DMD: variants seen among roughly 807,000 people sequenced by gnomAD.
The protein encoded by DMD is dystrophin.
DMD carries 63 observed loss-of-function variants against 330.1 expected under a neutral mutation model. That is an observed-to-expected ratio of 0.19 (90% CI 0.16 to 0.24). The LOEUF (loss-of-function observed/expected upper bound fraction) is 0.24. DMD is among the 10% of genes least tolerant of loss of function. DMD has a pLI of 1.00. For synonymous variants in DMD, 1,223 were observed against 959.8 expected (o/e 1.27, Z -5.07); for missense variants, 3,344 against 2,684.1 (o/e 1.25, Z -5.43).
intron 7 of DMD, among the ~76,000 whole-genome samples, chrX:32,807,247 C>A (rs940638536): frequency 1.0e-5 from 1 of 99,997 alleles, no homozygotes; most frequent in Non-Finnish European, 2.0e-5. Context: ...CAAATAGACA[C>A]AATAAAAAAT....
chrX:32,608,881 A>C, intron 12 of DMD, among the ~76,000 whole-genome samples: 1 of 110,902 alleles, frequency 9.0e-6, no homozygotes, highest in East Asian at 2.8e-4. Flanking sequence ...AAATAAAATG[A>C]AACTTCATAG....
intron 44 of DMD, among the ~76,000 whole-genome samples, chrX:32,176,325 G>A (rs1041425644): frequency 4.5e-5 from 5 of 111,577 alleles, no homozygotes; most frequent in Admixed American, 3.8e-4. Context: ...TTCCTTGTAC[G>A]TAGTGTGCAG....
chrX:32,268,838 A>G (rs1227681352), intron 43 of DMD, among the ~76,000 whole-genome samples: 1 of 111,007 alleles, frequency 9.0e-6, no homozygotes, highest in Non-Finnish European at 1.9e-5. Context: ...GTAATGGGAT[A>G]CAGACATACC....
intron 44 of DMD, among the ~76,000 whole-genome samples, chrX:31,996,788 G>T (rs1479632333): frequency 9.0e-6 from 1 of 110,963 alleles, no homozygotes; most frequent in Non-Finnish European, 1.9e-5. Context: ...ATTAATTAGT[G>T]AGTGAGTGAA....
At chrX:32,808,511 G>A (rs940291249) in intron 7 of DMD, among the ~76,000 whole-genome samples, 3 of 111,419 alleles carry the variant, frequency 2.7e-5, no homozygotes, top group Admixed American at 9.6e-5. Flanking sequence ...AGGCTTCTGC[G>A]TCTGCAAAAC....
At chrX:32,287,914 G>A (rs1431852162) in intron 42 of DMD, among the ~76,000 whole-genome samples, 3 of 110,058 alleles carry the variant, frequency 2.7e-5, no homozygotes, top group East Asian at 2.9e-4. Context: ...AGAGTGGATC[G>A]CTCCCTACAT....
chrX:31,492,881 G>C (rs1390008089), intron 57 of DMD, among the ~76,000 whole-genome samples: 3 of 108,951 alleles, frequency 2.8e-5, no homozygotes, highest in East Asian at 2.9e-4. Flanking sequence ...GTCAGGGGGT[G>C]GGGGGCTAGG....
In DMD at chrX:31,119,752, T is replaced by C. The variant is rs1379997146; in HGVS notation, c.*2167A>G. ...TTTTAAATCTGAGTTTTAAAAATCCTTGGGTAAAGAAAAGGTCCAGCGTCA... is the reference window on the plus strand; with the variant it reads ...TTTTAAATCTGAGTTTTAAAAATCCCTGGGTAAAGAAAAGGTCCAGCGTCA... On this transcript the variant is annotated 3_prime_UTR_variant, in exon 79 of 79. Transcript: ENST00000357033. 1 of 111,174 alleles carries C rather than the reference T, an allele frequency of 9.0e-6. No individual in the cohort carries two copies. The highest frequency in any genetic ancestry group is 1.9e-5 in the Non-Finnish European group (1 of 53,017). 9.2% of individuals were successfully genotyped at this position (111,174 alleles called of 1,213,427 possible). A position where few individuals can be genotyped will look rare whatever the true frequency, so the allele number is the denominator to read the frequency against.
intron 43 of DMD, among the ~76,000 whole-genome samples, chrX:32,249,932 TACCATACCAA>T (rs1454787202): frequency 9.0e-6 from 1 of 111,199 alleles, no homozygotes; most frequent in African/African-American, 3.3e-5. Flanking sequence ...CCTAGAACCA[TACCATACCAA>T]ACTTCCTTCA....
chrX:32,085,226 A>T (rs966686686), intron 44 of DMD, among the ~76,000 whole-genome samples: 8 of 111,542 alleles, frequency 7.2e-5, no homozygotes, highest in South Asian at 3.8e-4. Flanking sequence ...ATATACACAC[A>T]CACAAACACA....
chrX:32,209,405 T>C (rs961858468), intron 44 of DMD, among the ~76,000 whole-genome samples: 6 of 110,865 alleles, frequency 5.4e-5, no homozygotes, highest in African/African-American at 2.0e-4. Context: ...AGCCCTCTGG[T>C]AGAGAGAAAA....
chrX:31,863,264 A>G (rs1250450376), intron 48 of DMD, among the ~76,000 whole-genome samples: 2 of 112,267 alleles, frequency 1.8e-5, no homozygotes, highest in African/African-American at 6.5e-5. Context: ...AATGGCGTGA[A>G]CCCAGGAGGC....
At chrX:32,926,274 A>T (rs1290170580) in intron 2 of DMD, among the ~76,000 whole-genome samples, 1 of 112,027 alleles carries the variant, frequency 8.9e-6, no homozygotes, top group Non-Finnish European at 1.9e-5. Flanking sequence ...TAGAGAGTAG[A>T]ATAGTGGTTA....
At chrX:32,729,670 T>C (rs975924787) in intron 7 of DMD, among the ~76,000 whole-genome samples, 2 of 112,094 alleles carry the variant, frequency 1.8e-5, no homozygotes, top group Admixed American at 1.9e-4. Context: ...TAGAGTATCA[T>C]AGATGAAGAA....
intron 13 of DMD, among the ~76,000 whole-genome samples, chrX:32,584,143 G>A (rs887333980): frequency 6.3e-5 from 7 of 111,417 alleles, no homozygotes; most frequent in African/African-American, 1.6e-4. Context: ...AGGCATTTCA[G>A]AGAAGAGTTC....
chrX:33,090,195 G>A (rs2095066230), intron 1 of DMD, among the ~76,000 whole-genome samples: 1 of 109,990 alleles, frequency 9.1e-6, no homozygotes, highest in Non-Finnish European at 1.9e-5. Flanking sequence ...ATCTCACAAA[G>A]CTCATTGGAC....
intron 48 of DMD, among the ~76,000 whole-genome samples, chrX:31,849,352 A>G (rs1405526761): frequency 9.0e-6 from 1 of 111,162 alleles, no homozygotes; most frequent in Non-Finnish European, 1.9e-5. Flanking sequence ...AGGTATAACA[A>G]CTAGTAAAGT....
At chrX:32,367,314 A>G in intron 34 of DMD, among the ~76,000 whole-genome samples, 1 of 112,065 alleles carries the variant, frequency 8.9e-6, no homozygotes, top group Non-Finnish European at 1.9e-5. Context: ...ATATCCAAGT[A>G]TGAGTTTGTC....
chrX:32,644,409 AT>A, intron 10 of DMD, 96 bp from the exon 11 acceptor site: 1 of 910,122 alleles, frequency 1.1e-6, no homozygotes, highest in Non-Finnish European at 1.6e-6. Context: ...CTTGTGGCCC[AT>A]TTAGATTTAT....
Sources: gnomAD v4.1 joint callset for allele counts (sites outside exome capture counted in the v4.1 genomes callset) on GRCh38, gnomAD v4.1.1 for gene constraint, MANE v1.5 for transcripts, NCBI Gene and HGNC (gene_info 2026-07-23, HGNC 2026-07-21) for gene names.